Variants in C12orf76 observed in about 807,000 individuals in gnomAD.
C12orf76 encodes uncharacterized protein C12orf76.
A neutral mutation model predicts 6.8 loss-of-function variants in C12orf76; 6 were observed. The ratio of observed to expected loss-of-function variants is 0.88; its 90% CI spans 0.48 to 1.73. C12orf76 has a LOEUF of 1.73. Ranked by LOEUF, C12orf76 falls within the 40% of genes most tolerant of loss-of-function variation. The pLI, the probability that C12orf76 is intolerant of heterozygous loss-of-function variation, is 0.01. For missense variants in C12orf76, 99 were observed against 98.2 expected, an observed-to-expected ratio of 1.01 and a Z score of -0.03; for synonymous variants, 56 against 43.7, an observed-to-expected ratio of 1.28 and a Z score of -1.11.
intron 4 of C12orf76, chr12:110,056,982 C>T: frequency 1.7e-6 from 1 of 574,796 alleles, no homozygotes; most frequent in Non-Finnish European, 3.1e-6. Context: ...ACAAATACAT[C>T]CATCAAGGGG....
intron 1 of C12orf76, among the ~76,000 whole-genome samples, chr12:110,047,729 T>C (rs1461715612): frequency 6.6e-6 from 1 of 152,232 alleles, no homozygotes; most frequent in East Asian, 1.9e-4. Flanking sequence ...CATTAAGTTA[T>C]TGTAAGGCTC....
Position 110,057,261 on chromosome 12 carries a change from T to A in C12orf76, n.592A>T, listed in dbSNP as rs200188791. 5 of 1,613,924 alleles carry A rather than the reference T, an allele frequency of 3.1e-6. No individual in the cohort carries two copies. In the African/African-American group the frequency reaches 4.0e-5, roughly 13 times the overall value. ...TTCTTCAAGCTCTGCAGGGAGGATG[T>A]GCCTTTCAGCAAAGTTCCTCTCCCC... On this transcript the variant is annotated non_coding_transcript_exon_variant, in exon 4 of 5. Coordinates refer to the C12orf76 transcript ENST00000309050.
intron 1 of C12orf76, chr12:110,066,132 G>A (rs1017451838): frequency 7.4e-7 from 1 of 1,356,596 alleles, no homozygotes; most frequent in Non-Finnish European, 9.5e-7. Context: ...CACAATTTGG[G>A]AGGCCGAGGC....
At chr12:110,073,233 T>A (rs1892982111) in intron 1 of C12orf76, among the ~76,000 whole-genome samples, 1 of 152,182 alleles carries the variant, frequency 6.6e-6, no homozygotes, top group African/African-American at 2.4e-5. Flanking sequence ...ATGGCTTCTC[T>A]CTGCTGCAGC....
At chr12:110,071,656 G>A (rs13313219), upstream of C12orf76, among the ~76,000 whole-genome samples, 12,301 of 151,980 alleles carry the variant, frequency 0.081, 514 homozygotes, top group African/African-American at 0.095. Flanking sequence ...CCCTCTATAA[G>A]TATAGGTTGT....
chr12:110,068,322 G>GAAGAAGAAGAAGAAGAAA (rs1566080295), upstream of C12orf76, among the ~76,000 whole-genome samples: 9 of 139,162 alleles, frequency 6.5e-5, 1 homozygote, highest in Middle Eastern at 3.5e-3. Context: ...AGAAGAAGAA[G>GAAGAAGAAGAAGAAGAAA]AAGAAGAAGG....
At chr12:110,070,112 G>A (rs151015152), upstream of C12orf76, among the ~76,000 whole-genome samples, 4,186 of 151,636 alleles carry the variant, frequency 0.028, 83 homozygotes, top group Middle Eastern at 0.078. Flanking sequence ...TTAGCTGGGC[G>A]TGGTGGTTCC....
upstream of C12orf76, chr12:110,050,430 AC>A (rs1486379270): frequency 6.5e-6 from 1 of 153,996 alleles, no homozygotes; most frequent in Non-Finnish European, 1.4e-5. Context: ...GAATTCCCAG[AC>A]GGTTAAGGCA....
chr12:110,061,568 A>G (rs1198996588), intron 2 of C12orf76, among the ~76,000 whole-genome samples: 1 of 145,066 alleles, frequency 6.9e-6, no homozygotes, highest in Non-Finnish European at 1.5e-5. Context: ...ACGGAGTCTT[A>G]CTCTGTCACC....
At chr12:110,064,930 G>T (rs1201801806) in intron 2 of C12orf76, among the ~76,000 whole-genome samples, 8 of 152,136 alleles carry the variant, frequency 5.3e-5, no homozygotes, top group Non-Finnish European at 1.2e-4. Context: ...AAGAAAACCA[G>T]ATACCAAGGC....
At chr12:110,053,376 A>G (rs1221743624), upstream of C12orf76, among the ~76,000 whole-genome samples, 2 of 151,584 alleles carry the variant, frequency 1.3e-5, no homozygotes, top group South Asian at 2.1e-4. Flanking sequence ...GTGTGCACCT[A>G]TAATCCCAGC....
chr12:110,059,160 C>G (rs1369611082), exon 3 of C12orf76: 13 of 1,540,768 alleles, frequency 8.4e-6, no homozygotes, highest in Non-Finnish European at 1.1e-5. Context: ...TCAAATGTTC[C>G]TTGCTGGTGT....
intron 1 of C12orf76, chr12:110,046,032 T>C: frequency 6.2e-6 from 1 of 162,332 alleles, no homozygotes; most frequent in South Asian, 1.4e-4. Flanking sequence ...TGGCCATGCA[T>C]TTGGGGCCTG....
At chr12:110,061,916 C>T (rs1382982767) in intron 2 of C12orf76, among the ~76,000 whole-genome samples, 1 of 152,118 alleles carries the variant, frequency 6.6e-6, no homozygotes, top group East Asian at 1.9e-4. Context: ...TTACTGGCTA[C>T]ACGACCTTGG....
At chr12:110,070,003 C>T (rs1892942002), upstream of C12orf76, among the ~76,000 whole-genome samples, 1 of 152,060 alleles carries the variant, frequency 6.6e-6, no homozygotes, top group African/African-American at 2.4e-5. Context: ...AATCCCAGCA[C>T]TTTGGGAGGC....
chr12:110,056,723 C>T (rs187003114), intron 4 of C12orf76, among the ~76,000 whole-genome samples: 17 of 152,264 alleles, frequency 1.1e-4, no homozygotes, highest in Admixed American at 1.0e-3. Flanking sequence ...CCATAATTCC[C>T]ACATGTTGTA....
upstream of C12orf76, among the ~76,000 whole-genome samples, chr12:110,070,516 T>G (rs1402252912): frequency 1.3e-5 from 2 of 149,008 alleles, no homozygotes; most frequent in Non-Finnish European, 3.0e-5. Context: ...CAGTGAGCTG[T>G]GATCACGCCA....
At chr12:110,045,398 T>C (rs1353498823) in intron 1 of C12orf76, among the ~76,000 whole-genome samples, 1 of 151,810 alleles carries the variant, frequency 6.6e-6, no homozygotes, top group Non-Finnish European at 1.5e-5. Context: ...CCACTCTGGC[T>C]AACGTGGTGA....
intron 1 of C12orf76, among the ~76,000 whole-genome samples, chr12:110,043,871 A>AAACC (rs5800882): frequency 7.1e-6 from 1 of 141,406 alleles, no homozygotes; most frequent in Non-Finnish European, 1.6e-5. Context: ...AAACAAAAAC[A>AAACC]AAAAAAAAAA....
Sources: allele counts gnomAD v4.1 joint callset (sites outside exome capture counted in the v4.1 genomes callset), GRCh38; gene constraint gnomAD v4.1.1; transcripts MANE v1.5; gene names NCBI Gene and HGNC (gene_info 2026-07-23, HGNC 2026-07-21).